The following KCTD8 variants were observed in gnomAD, a reference collection of about 807,000 sequenced individuals.
KCTD8 encodes the protein BTB/POZ domain-containing protein KCTD8.
A neutral mutation model predicts 31.5 loss-of-function variants in KCTD8; 27 were observed. That is an observed-to-expected ratio of 0.86 (90% CI 0.63 to 1.18). The LOEUF (loss-of-function observed/expected upper bound fraction) is 1.18, where lower values mean the gene tolerates loss of function less well. Ranked by LOEUF, KCTD8 falls within the 50% of genes most tolerant of loss-of-function variation. KCTD8 has a pLI of 0.00. For missense variants in KCTD8, 658 were observed against 647.7 expected (o/e 1.02, Z -0.17); for synonymous variants, 290 against 280.0 (o/e 1.04, Z -0.36).
At chr4:44,349,065 GCCACCGCCA>G (rs1428460610) in intron 1 of KCTD8, among the ~76,000 whole-genome samples, 3 of 107,828 alleles carry the variant, frequency 2.8e-5, no homozygotes, top group Non-Finnish European at 4.3e-5. Context: ...CACCATCGCT[GCCACCGCCA>G]CCACCACCAC....
chr4:44,339,812 A>C (rs1718849001), intron 1 of KCTD8, among the ~76,000 whole-genome samples: 1 of 152,150 alleles, frequency 6.6e-6, no homozygotes, highest in African/African-American at 2.4e-5. Flanking sequence ...AATACTAAAA[A>C]CCAATAGCAA....
At chr4:44,248,516 T>C (rs894479400) in intron 1 of KCTD8, among the ~76,000 whole-genome samples, 1 of 151,816 alleles carries the variant, frequency 6.6e-6, no homozygotes, top group Non-Finnish European at 1.5e-5. Context: ...TTCTAGTCTC[T>C]TAAAATATTA....
chr4:44,384,166 A>T (rs1293639327), intron 1 of KCTD8, among the ~76,000 whole-genome samples: 1 of 151,876 alleles, frequency 6.6e-6, no homozygotes, highest in Non-Finnish European at 1.5e-5. Flanking sequence ...AAAAAATAAC[A>T]AATGCTGGTG....
chr4:44,305,263 A>G (rs1234919339), intron 1 of KCTD8, among the ~76,000 whole-genome samples: 1 of 151,598 alleles, frequency 6.6e-6, no homozygotes, highest in Non-Finnish European at 1.5e-5. Flanking sequence ...TAAAATATAA[A>G]AGTAATTATA....
chr4:44,358,276 T>A (rs779291635), intron 1 of KCTD8, among the ~76,000 whole-genome samples: 4 of 152,230 alleles, frequency 2.6e-5, no homozygotes, highest in Admixed American at 2.6e-4. Flanking sequence ...TGTGCTACAT[T>A]TTCTTTATCC....
intron 1 of KCTD8, among the ~76,000 whole-genome samples, chr4:44,185,289 C>G (rs1462703047): frequency 1.3e-5 from 2 of 152,170 alleles, no homozygotes; most frequent in African/African-American, 4.8e-5. Context: ...ATCTCTGTTC[C>G]AATTTCCACC....
chr4:44,412,019 A>G (rs1720972416), intron 1 of KCTD8, among the ~76,000 whole-genome samples: 1 of 152,200 alleles, frequency 6.6e-6, no homozygotes, highest in South Asian at 2.1e-4. Context: ...CATGGATTAC[A>G]GGGTGGCACA....
At chr4:44,379,659 C>A (rs148213615) in intron 1 of KCTD8, among the ~76,000 whole-genome samples, 1 of 152,220 alleles carries the variant, frequency 6.6e-6, no homozygotes, top group Non-Finnish European at 1.5e-5. Context: ...TGTAAAATAA[C>A]TTCCATCAGA....
intron 1 of KCTD8, among the ~76,000 whole-genome samples, chr4:44,274,620 T>A (rs1716700273): frequency 6.6e-6 from 1 of 151,940 alleles, no homozygotes; most frequent in Non-Finnish European, 1.5e-5. Context: ...CTTAATTATG[T>A]TAAAATTTAT....
At chr4:44,384,678 TA>T (rs1244055033) in intron 1 of KCTD8, among the ~76,000 whole-genome samples, 1 of 151,728 alleles carries the variant, frequency 6.6e-6, no homozygotes, top group Non-Finnish European at 1.5e-5. Flanking sequence ...AATGCATAAC[TA>T]CAACTAGATA....
intron 1 of KCTD8, among the ~76,000 whole-genome samples, chr4:44,416,982 C>G (rs1250511545): frequency 6.6e-6 from 1 of 152,158 alleles, no homozygotes; most frequent in Non-Finnish European, 1.5e-5. Context: ...TGAACTTTTA[C>G]AGTCACAATC....
intron 1 of KCTD8, among the ~76,000 whole-genome samples, chr4:44,426,517 A>T (rs1266863156): frequency 6.6e-6 from 1 of 151,772 alleles, no homozygotes; most frequent in Non-Finnish European, 1.5e-5. Context: ...ACAGAAGTTG[A>T]CAGAGAAATA....
intron 1 of KCTD8, among the ~76,000 whole-genome samples, chr4:44,398,713 T>C (rs534801484): frequency 6.6e-6 from 1 of 152,176 alleles, no homozygotes; most frequent in Admixed American, 6.6e-5. Flanking sequence ...AAGGCTGCTG[T>C]GTGGAGGGTA....
chr4:44,359,013 G>A (rs1719430087), intron 1 of KCTD8, among the ~76,000 whole-genome samples: 1 of 152,166 alleles, frequency 6.6e-6, no homozygotes, highest in African/African-American at 2.4e-5. Flanking sequence ...ATTTTGATGG[G>A]TTTGTTTTTT....
At chr4:44,225,458 T>C (rs62304814) in intron 1 of KCTD8, among the ~76,000 whole-genome samples, 18,241 of 152,282 alleles carry the variant, frequency 0.12, 1,388 homozygotes, top group East Asian at 0.24. Context: ...AAGGCAGAGT[T>C]GAGAAGTTGT....
chr4:44,316,326 C>T (rs1489896862), intron 1 of KCTD8, among the ~76,000 whole-genome samples: 3 of 151,940 alleles, frequency 2.0e-5, no homozygotes, highest in Non-Finnish European at 4.4e-5. Flanking sequence ...TTTATAAGGG[C>T]AATAAGAATT....
intron 1 of KCTD8, among the ~76,000 whole-genome samples, chr4:44,374,754 A>G (rs934280103): frequency 6.6e-6 from 1 of 152,260 alleles, no homozygotes; most frequent in Admixed American, 6.5e-5. Context: ...AACATTAATC[A>G]ATTAAGTTTG....
Position 44,448,080 on chromosome 4 carries a change from G to A in KCTD8, c.444C>T (p.Pro148=). ...QLTDLVKLLS[P]KVTKQNSLND... is the part of the protein sequence containing the mutation. The stretch of plus-strand genomic sequence containing the variant: ...TGAGAGAGTTCTGCTTGGTGACCTT[G>A]GGCGACAGCAGCTTGACCAAGTCGG... Residue 148 remains proline, a synonymous_variant, in exon 1 of 2, where the codon CCC becomes CCT. Transcript: ENST00000360029. This position sits in a 1 kb window ranked among gnomAD's most constrained non-coding sequence, Gnocchi z 4.1. 6.2e-7 allele frequency: 1 copy of A among 1,612,596 alleles called. No individual in the cohort carries two copies. Among genetic ancestry groups the A allele is most frequent in the Non-Finnish European group, 8.5e-7 (1 of 1,179,818 alleles).
intron 1 of KCTD8, among the ~76,000 whole-genome samples, chr4:44,247,230 A>G (rs2109359695): frequency 6.6e-6 from 1 of 151,868 alleles, no homozygotes; most frequent in African/African-American, 2.4e-5. Flanking sequence ...TGTATTCCTT[A>G]TCTCTGTTTA....
Sources: allele counts gnomAD v4.1 joint callset (sites outside exome capture counted in the v4.1 genomes callset), GRCh38; gene constraint gnomAD v4.1.1; non-coding constraint Gnocchi (gnomAD v3.1); transcripts MANE v1.5; gene names NCBI Gene and HGNC (gene_info 2026-07-23, HGNC 2026-07-21).